The following CCDC146 variants were observed in gnomAD, a reference collection of about 807,000 sequenced individuals.
CCDC146 encodes the protein coiled-coil domain containing 146.
In CCDC146, 92 loss-of-function variants were observed where a neutral mutation model predicts 119.3. The observed-to-expected ratio is 0.77, with a 90% CI of 0.65 to 0.92. The LOEUF (loss-of-function observed/expected upper bound fraction) is 0.92, where lower values mean the gene tolerates loss of function less well. CCDC146 is among the 40% of genes least tolerant of loss of function. CCDC146 has a pLI of 0.00. For synonymous variants in CCDC146, 372 were observed against 371.8 expected (o/e 1.00, Z -0.01); for missense variants, 1,000 against 1,103.0 (o/e 0.91, Z 1.32).
At chr7:77,176,861 G>A (rs991534603) in intron 2 of CCDC146, among the ~76,000 whole-genome samples, 2 of 151,720 alleles carry the variant, frequency 1.3e-5, no homozygotes, top group Non-Finnish European at 2.9e-5. Flanking sequence ...TTTGATATAA[G>A]GTCTGTCTCT....
At chr7:77,272,264 C>T (rs1793539084) in intron 9 of CCDC146, among the ~76,000 whole-genome samples, 2 of 152,178 alleles carry the variant, frequency 1.3e-5, no homozygotes, top group African/African-American at 2.4e-5. Context: ...GACCACATCT[C>T]GTTTTCCTAA....
intron 2 of CCDC146, among the ~76,000 whole-genome samples, chr7:77,192,721 G>A (rs1313575305): frequency 1.3e-5 from 2 of 152,040 alleles, no homozygotes; most frequent in African/African-American, 4.8e-5. Context: ...TCAGGAGATC[G>A]AGACCATCCT....
chr7:77,142,395 T>TATGTATACATGTGCCATGTGTAC (rs370820524), intron 1 of CCDC146, among the ~76,000 whole-genome samples: 81 of 151,508 alleles, frequency 5.3e-4, no homozygotes, highest in East Asian at 4.5e-3. Context: ...GTTTGTTACA[T>TATGTATACATGTGCCATGTGTAC]ATGTATACAT....
At chr7:77,286,996 C>A in intron 16 of CCDC146, 70 bp downstream of exon 16, 1 of 1,530,300 alleles carries the variant, frequency 6.5e-7, no homozygotes, top group African/African-American at 1.4e-5. Context: ...ACCTATGGTA[C>A]TGTTTCATGT....
At chr7:77,245,507 A>G (rs900576917) in intron 4 of CCDC146, among the ~76,000 whole-genome samples, 7 of 152,164 alleles carry the variant, frequency 4.6e-5, no homozygotes, top group Admixed American at 1.3e-4. Context: ...GGGGGAAACA[A>G]GGCTGTGGTG....
At chr7:77,199,338 A>G (rs1791936686) in intron 2 of CCDC146, 1 of 1,614,092 alleles carries the variant, frequency 6.2e-7, no homozygotes. Context: ...CATGAAGTAC[A>G]TTGATCTCCT....
At chr7:77,126,115 G>A (rs1382932092) in intron 1 of CCDC146, among the ~76,000 whole-genome samples, 1 of 152,082 alleles carries the variant, frequency 6.6e-6, no homozygotes, top group Non-Finnish European at 1.5e-5. Flanking sequence ...ATGCCCTTTA[G>A]CAAGTTAAGG....
At chr7:77,224,252 C>T (rs139549240) in intron 2 of CCDC146, among the ~76,000 whole-genome samples, 348 of 152,256 alleles carry the variant, frequency 2.3e-3, no homozygotes, top group African/African-American at 8.0e-3. Context: ...CTGGAGGCTC[C>T]AGGGGAGCAT....
Position 77,293,054 on chromosome 7 carries a change from G to A in CCDC146, c.2518G>A (p.Glu840Lys), listed in dbSNP as rs372884862. Residue 840 changes from glutamate to lysine, a missense_variant, in exon 18 of 19, where the codon GAA becomes AAA. Around this residue, in one of 2 missense-constraint regions of CCDC146, gnomAD observed 985 missense variants for 1,045.3 expected, o/e 0.94. Transcript: ENST00000285871. ...AGCCCTAACCATTGAACTCCAAAAGGAAGTCAGGGAGAAAGAAGACTTCAT... is the reference window on the plus strand; with the variant it reads ...AGCCCTAACCATTGAACTCCAAAAGAAAGTCAGGGAGAAAGAAGACTTCAT... ...KQALTIELQKEVREKEDFIFT... is the reference protein window; with the variant it reads ...KQALTIELQKKVREKEDFIFT... 4.9e-5 allele frequency: 79 copies of A among 1,614,064 alleles called. No homozygotes were observed. Among genetic ancestry groups the A allele is most frequent in the Middle Eastern group, 1.6e-4 (1 of 6,084 alleles).
intron 4 of CCDC146, among the ~76,000 whole-genome samples, chr7:77,244,927 T>C (rs1193393003): frequency 1.3e-5 from 2 of 152,244 alleles, no homozygotes; most frequent in Non-Finnish European, 2.9e-5. Flanking sequence ...CAAACTCTTA[T>C]TGAGTTTCTA....
At chr7:77,270,041 A>G (rs1275566697) in intron 9 of CCDC146, among the ~76,000 whole-genome samples, 1 of 152,230 alleles carries the variant, frequency 6.6e-6, no homozygotes, top group East Asian at 1.9e-4. Context: ...TGATTCTCCT[A>G]TGGCGTTTGA....
intron 2 of CCDC146, among the ~76,000 whole-genome samples, chr7:77,184,104 G>C (rs1584049952): frequency 6.6e-6 from 1 of 152,224 alleles, no homozygotes; most frequent in East Asian, 1.9e-4. Context: ...GTGATAGGCA[G>C]GCAATGATTT....
Position 77,198,445 on chromosome 7 carries a change from T to C in CCDC146, c.156+30621T>C, listed in dbSNP as rs539287224. The stretch of plus-strand genomic sequence containing the variant: ...TACCACTGTTAGTTCGTGGGTGGAG[T>C]AGGCGATTAAGTCTGTGGAATTTCA... On this transcript the variant is annotated intron_variant, in intron 2 of 18. Transcript: ENST00000285871. 102 of 266,894 alleles carry C rather than the reference T, an allele frequency of 3.8e-4. 1 individual carries two copies. Among genetic ancestry groups the C allele is most frequent in the East Asian group, 1.8e-4 (1 of 5,680 alleles). 16.5% of individuals were successfully genotyped at this position (266,894 alleles called of 1,614,324 possible). A position where few individuals can be genotyped will look rare whatever the true frequency, so the allele number is the denominator to read the frequency against.
chr7:77,197,381 T>C (rs1452645166), intron 2 of CCDC146, among the ~76,000 whole-genome samples: 1 of 152,256 alleles, frequency 6.6e-6, no homozygotes, highest in African/African-American at 2.4e-5. Flanking sequence ...ACTGCCAGTC[T>C]GCATGTGAGG....
At chr7:77,287,973 T>C (rs1023270898) in intron 17 of CCDC146, among the ~76,000 whole-genome samples, 3 of 152,070 alleles carry the variant, frequency 2.0e-5, no homozygotes, top group African/African-American at 4.8e-5. Flanking sequence ...AACCCAGAAA[T>C]TGAAAGGGAC....
rs1419881312 is a variant in CCDC146 at position 77,196,797 on chromosome 7, A to G, written c.156+28973A>G. The G allele has an allele frequency of 6.2e-7, 1 of 1,614,026 alleles. No individual in the cohort carries two copies. The highest frequency in any genetic ancestry group is 8.5e-7 in the Non-Finnish European group (1 of 1,179,998). On this transcript the variant is annotated intron_variant, in intron 2 of 18. Coordinates refer to ENST00000285871, the MANE Select transcript of CCDC146 (RefSeq NM_020879.3). The surrounding 1 kb of genome is among the most constrained non-coding windows in gnomAD (Gnocchi z 4.2). ...CCAAAGCCTGCTTTGTAGTCTTGCCATGTTCTGGTGAAGTTGGTGCTCCCA... is the reference window on the plus strand; with the variant it reads ...CCAAAGCCTGCTTTGTAGTCTTGCCGTGTTCTGGTGAAGTTGGTGCTCCCA...
At chr7:77,228,036 C>T (rs1481534990) in intron 2 of CCDC146, among the ~76,000 whole-genome samples, 1 of 152,202 alleles carries the variant, frequency 6.6e-6, no homozygotes, top group Non-Finnish European at 1.5e-5. Flanking sequence ...TTCCCTGTAC[C>T]AGACCTGAAA....
intron 1 of CCDC146, among the ~76,000 whole-genome samples, chr7:77,125,996 G>A (rs1476549957): frequency 1.3e-5 from 2 of 152,014 alleles, no homozygotes; most frequent in Admixed American, 6.5e-5. Flanking sequence ...GGCTAAGACC[G>A]CCACTACAAT....
intron 1 of CCDC146, among the ~76,000 whole-genome samples, chr7:77,135,361 A>C (rs1428586725): frequency 6.6e-6 from 1 of 152,028 alleles, no homozygotes; most frequent in African/African-American, 2.4e-5. Flanking sequence ...GGTGGTGTGC[A>C]TCTGTAGTTC....
Sources: gnomAD v4.1 joint callset for allele counts (sites outside exome capture counted in the v4.1 genomes callset) on GRCh38, gnomAD v4.1.1 for gene constraint, gnomAD v4.1.1 regional missense constraint, Gnocchi (gnomAD v3.1) non-coding constraint, MANE v1.5 for transcripts, NCBI Gene and HGNC (gene_info 2026-07-23, HGNC 2026-07-21) for gene names.